Variants in CCDC138 observed in about 807,000 individuals in gnomAD.
The protein encoded by CCDC138 is coiled-coil domain containing 138, also known as coiled-coil domain-containing protein 138.
A neutral mutation model predicts 82.3 loss-of-function variants in CCDC138; 66 were observed. That is an observed-to-expected ratio of 0.80 (90% CI 0.66 to 0.98). The LOEUF (loss-of-function observed/expected upper bound fraction) is 0.98, where lower values mean the gene tolerates loss of function less well. CCDC138 is among the 50% of genes least tolerant of loss of function. CCDC138 has a pLI of 0.00. For missense variants in CCDC138, 816 were observed against 758.9 expected, an observed-to-expected ratio of 1.08 and a Z score of -0.88; for synonymous variants, 297 against 265.4, an observed-to-expected ratio of 1.12 and a Z score of -1.16.
chr2:108,794,178 C>CT (rs1393298124), intron 4 of CCDC138, among the ~76,000 whole-genome samples: 1 of 152,152 alleles, frequency 6.6e-6, no homozygotes, highest in Non-Finnish European at 1.5e-5. Flanking sequence ...GCATGTAACA[C>CT]TTACTTGCAT....
intron 4 of CCDC138, among the ~76,000 whole-genome samples, chr2:108,793,564 T>C (rs1157186447): frequency 1.3e-5 from 2 of 152,044 alleles, no homozygotes; most frequent in Non-Finnish European, 2.9e-5. Context: ...ATTTTGCTAC[T>C]ACTTATATAC....
intron 10 of CCDC138, among the ~76,000 whole-genome samples, chr2:108,828,944 C>T (rs574428395): frequency 6.6e-6 from 1 of 152,196 alleles, no homozygotes; most frequent in East Asian, 1.9e-4. Context: ...CGCCATTGCA[C>T]TCCAGCCCAG....
At chr2:108,798,637 T>G (rs759016197) in intron 6 of CCDC138, 51 bp downstream of exon 6, 3 of 1,389,526 alleles carry the variant, frequency 2.2e-6, no homozygotes, top group South Asian at 2.6e-5. Context: ...CTTTTCTTCT[T>G]AGATTCACTA....
intron 13 of CCDC138, among the ~76,000 whole-genome samples, chr2:108,860,935 CTTTTTTTTTTTT>C (rs70956282): frequency 1.3e-4 from 5 of 37,914 alleles, no homozygotes; most frequent in South Asian, 1.4e-3. Context: ...TGGTCCAGGA[CTTTTTTTTTTTT>C]TTTTTTTTTT....
At chr2:108,848,838 T>C (rs1690929294) in intron 12 of CCDC138, among the ~76,000 whole-genome samples, 1 of 152,188 alleles carries the variant, frequency 6.6e-6, no homozygotes, top group Admixed American at 6.5e-5. Context: ...AAATTGGCAC[T>C]TCATATTATG....
At chr2:108,845,368 T>G (rs1690256226) in intron 11 of CCDC138, among the ~76,000 whole-genome samples, 1 of 152,160 alleles carries the variant, frequency 6.6e-6, no homozygotes, top group South Asian at 2.1e-4. Flanking sequence ...ATTTAAAAGC[T>G]AAAACTTATC....
intron 12 of CCDC138, among the ~76,000 whole-genome samples, chr2:108,847,238 AG>A (rs1364385318): frequency 3.3e-5 from 5 of 152,200 alleles, no homozygotes; most frequent in Non-Finnish European, 1.5e-5. Context: ...ATTTTCCACT[AG>A]CGAATGTGTT....
At chr2:108,837,053 C>T (rs900130866) in intron 10 of CCDC138, among the ~76,000 whole-genome samples, 5 of 151,748 alleles carry the variant, frequency 3.3e-5, no homozygotes, top group African/African-American at 1.2e-4. Context: ...ATTTCTTTTT[C>T]TTGCCCAGTT....
At chr2:108,873,808 C>G (rs1695629884) in intron 14 of CCDC138, among the ~76,000 whole-genome samples, 2 of 152,126 alleles carry the variant, frequency 1.3e-5, no homozygotes, top group South Asian at 4.1e-4. Flanking sequence ...TTGTGTTGGG[C>G]CACATTCAAA....
chr2:108,830,608 T>A (rs10202289), intron 10 of CCDC138, among the ~76,000 whole-genome samples: 121,564 of 151,200 alleles, frequency 0.8, 48,942 homozygotes, highest in East Asian at 0.95. Flanking sequence ...GGAGTTCAAG[T>A]CCAACCTGGC....
intron 7 of CCDC138, among the ~76,000 whole-genome samples, chr2:108,810,815 G>A (rs140686026): frequency 0.016 from 2,509 of 152,214 alleles, 25 homozygotes; most frequent in Middle Eastern, 0.048. Flanking sequence ...CATTTAGTTC[G>A]GGCTTTTCTT....
intron 10 of CCDC138, among the ~76,000 whole-genome samples, chr2:108,829,799 CAG>C (rs1379706566): frequency 2.6e-5 from 4 of 152,094 alleles, no homozygotes; most frequent in African/African-American, 7.2e-5. Flanking sequence ...GCAAGGATGT[CAG>C]AAAGTGGAAT....
At chr2:108,849,031 C>T (rs981447956) in intron 12 of CCDC138, among the ~76,000 whole-genome samples, 2 of 151,872 alleles carry the variant, frequency 1.3e-5, no homozygotes, top group South Asian at 2.1e-4. Flanking sequence ...ATGGAAGATA[C>T]GGGATAAAAA....
chr2:108,847,317 C>A (rs1449657130), intron 12 of CCDC138, among the ~76,000 whole-genome samples: 1 of 152,164 alleles, frequency 6.6e-6, no homozygotes, highest in Non-Finnish European at 1.5e-5. Flanking sequence ...CTCCCACAAC[C>A]ATGCTCATTT....
chr2:108,804,534 A>C (rs1682514250), intron 6 of CCDC138, among the ~76,000 whole-genome samples: 1 of 152,192 alleles, frequency 6.6e-6, no homozygotes. Context: ...TCTCTTGAAG[A>C]GTATCAGAAA....
At chr2:108,799,840 T>C (rs1342829237) in intron 6 of CCDC138, among the ~76,000 whole-genome samples, 2 of 152,180 alleles carry the variant, frequency 1.3e-5, no homozygotes, top group Non-Finnish European at 2.9e-5. Flanking sequence ...TTCAGATAGT[T>C]TCTTGATCCA....
At chr2:108,806,977 ACTGAAAC>A (rs763085322) in intron 7 of CCDC138, among the ~76,000 whole-genome samples, 17 of 152,174 alleles carry the variant, frequency 1.1e-4, no homozygotes, top group Non-Finnish European at 2.4e-4. Flanking sequence ...ACTTTCCTAA[ACTGAAAC>A]CTGGCCTTGA....
downstream of CCDC138, chr2:108,878,524 A>G (rs1043858035): frequency 4.7e-6 from 1 of 214,736 alleles, no homozygotes; most frequent in African/African-American, 2.3e-5. Flanking sequence ...TCATCTTACC[A>G]TATCAGACTG....
intron 13 of CCDC138, among the ~76,000 whole-genome samples, chr2:108,866,760 A>G (rs1379418826): frequency 1.3e-5 from 2 of 152,012 alleles, no homozygotes; most frequent in African/African-American, 2.4e-5. Flanking sequence ...ACGGGTGCCT[A>G]TAATCCCAGT....
Sources: allele counts gnomAD v4.1 joint callset (sites outside exome capture counted in the v4.1 genomes callset), GRCh38; gene constraint gnomAD v4.1.1; transcripts MANE v1.5; gene names NCBI Gene and HGNC (gene_info 2026-07-23, HGNC 2026-07-21).